The following OR3A2 variants were observed in gnomAD, a reference collection of about 807,000 sequenced individuals.
The protein encoded by OR3A2 is olfactory receptor 3A2.
For synonymous variants in OR3A2, 126 were observed against 159.3 expected (o/e 0.79, Z 1.57); for missense variants, 318 against 392.8 (o/e 0.81, Z 1.61).
intron 3 of OR3A2, among the ~76,000 whole-genome samples, chr17:3,303,937 T>C (rs1477422432): frequency 6.8e-6 from 1 of 146,172 alleles, no homozygotes; most frequent in East Asian, 2.0e-4. Flanking sequence ...ATATATATTA[T>C]ATATATATAT....
chr17:3,348,059 G>A (rs948690858), intron 2 of OR3A2, among the ~76,000 whole-genome samples: 5 of 152,114 alleles, frequency 3.3e-5, no homozygotes, highest in African/African-American at 1.2e-4. Flanking sequence ...AGAAGTGTCT[G>A]TTCACGTCCT....
chr17:3,355,657 C>A (rs2049460833), intron 2 of OR3A2, among the ~76,000 whole-genome samples: 1 of 150,902 alleles, frequency 6.6e-6, no homozygotes, highest in Admixed American at 6.6e-5. Flanking sequence ...TTTTGGTTTT[C>A]ATTGGCATGG....
At chr17:3,328,734 C>G (rs1351055310) in intron 3 of OR3A2, among the ~76,000 whole-genome samples, 1 of 103,188 alleles carries the variant, frequency 9.7e-6, no homozygotes, top group Admixed American at 1.0e-4. Flanking sequence ...TACGTCCCAT[C>G]AATACCTAAT....
chr17:3,294,357 T>C (rs1035468641), intron 3 of OR3A2, among the ~76,000 whole-genome samples: 10 of 151,146 alleles, frequency 6.6e-5, no homozygotes, highest in African/African-American at 2.2e-4. Context: ...AAACAATACA[T>C]GGAAAAAAAT....
At chr17:3,284,441 C>G (rs1272216575), upstream of OR3A2, 2 of 151,692 alleles carry the variant, frequency 1.3e-5, no homozygotes, top group African/African-American at 4.9e-5. Flanking sequence ...TCCCGGAGAG[C>G]GAGTGAGGGG....
intron 2 of OR3A2, among the ~76,000 whole-genome samples, chr17:3,355,797 T>C (rs1197657179): frequency 6.6e-6 from 1 of 151,424 alleles, no homozygotes; most frequent in East Asian, 1.9e-4. Context: ...TTGGAGAGTT[T>C]AGTTCATTTA....
rs2048762311 is a variant in OR3A2 at position 3,279,085 on chromosome 17, G to T, written c.-6-162C>A. The T allele has an allele frequency of 4.0e-6, 5 of 1,256,134 alleles. No homozygotes were observed. In the Middle Eastern group the frequency reaches 7.6e-4, roughly 190 times the overall value. 77.8% of individuals were successfully genotyped at this position (1,256,134 alleles called of 1,614,324 possible). A position where few individuals can be genotyped will look rare whatever the true frequency, so the allele number is the denominator to read the frequency against. On this transcript the variant is annotated intron_variant, in intron 1 of 1. Transcript: ENST00000642052. Reference sequence around the variant, plus strand: ...ACCTCAATGCCTTTACCTTGCTCTTGGTTGACATGCCCAATGACACCACCA... The same window carrying T: ...ACCTCAATGCCTTTACCTTGCTCTTTGTTGACATGCCCAATGACACCACCA...
intron 3 of OR3A2, among the ~76,000 whole-genome samples, chr17:3,326,454 G>C (rs771678697): frequency 6.6e-6 from 1 of 151,996 alleles, no homozygotes; most frequent in African/African-American, 2.4e-5. Flanking sequence ...TGGAGCTGCA[G>C]CAGAGGAACA....
intron 2 of OR3A2, among the ~76,000 whole-genome samples, chr17:3,347,311 G>A (rs2049374402): frequency 6.6e-6 from 1 of 152,034 alleles, no homozygotes; most frequent in South Asian, 2.1e-4. Flanking sequence ...AGTTACATAT[G>A]TATACATGTG....
chr17:3,320,283 T>G (rs1300646652), intron 3 of OR3A2, among the ~76,000 whole-genome samples: 1 of 151,346 alleles, frequency 6.6e-6, no homozygotes, highest in East Asian at 1.9e-4. Flanking sequence ...TATTAGCCCT[T>G]TGTCAGATGA....
intron 3 of OR3A2, among the ~76,000 whole-genome samples, chr17:3,297,864 G>A (rs1258368293): frequency 6.6e-6 from 1 of 152,100 alleles, no homozygotes. Context: ...TGTGCAACAC[G>A]ATAAAAGATT....
At position 3,311,181 on chromosome 17, in the gene OR3A2, C is replaced by T. The variant is rs1392947287; in HGVS notation, c.-85+24852G>A. On this transcript the variant is annotated intron_variant, in intron 3 of 4. Transcript: ENST00000573491. The surrounding 1 kb of genome is among the most constrained non-coding windows in gnomAD (Gnocchi z 4.6). Reference sequence around the variant, plus strand: ...TGTCATCAGCCCCATGCTGAACCCACTCATCTACTGGACATCTCTGCTGGA... The same window carrying T: ...TGTCATCAGCCCCATGCTGAACCCATTCATCTACTGGACATCTCTGCTGGA... 2 of 538,012 alleles carry T rather than the reference C, an allele frequency of 3.7e-6. No homozygotes were observed. Among genetic ancestry groups the T allele is most frequent in the Admixed American group, 1.9e-5 (1 of 51,774 alleles). 33.3% of individuals were successfully genotyped at this position (538,012 alleles called of 1,614,324 possible). A position where few individuals can be genotyped will look rare whatever the true frequency, so the allele number is the denominator to read the frequency against.
intron 3 of OR3A2, among the ~76,000 whole-genome samples, chr17:3,328,818 T>C (rs1048361163): frequency 1.4e-5 from 2 of 144,658 alleles, no homozygotes; most frequent in African/African-American, 5.3e-5. Flanking sequence ...GAGATAATCA[T>C]GTGGTTTTTG....
chr17:3,291,601 A>G, intron 3 of OR3A2: 2 of 1,516,154 alleles, frequency 1.3e-6, no homozygotes, highest in Admixed American at 2.0e-5. Flanking sequence ...CCTTTAGTAC[A>G]AGACACAGGG....
intron 3 of OR3A2, among the ~76,000 whole-genome samples, chr17:3,330,384 A>C (rs1002262800): frequency 2.0e-5 from 3 of 150,176 alleles, no homozygotes; most frequent in African/African-American, 7.5e-5. Context: ...TGCTTTATGA[A>C]TCTGGGTGCT....
rs1395180202 is a variant in OR3A2, at chr17:3,332,313, G to A, written c.-85+3720C>T. Reference sequence around the variant, plus strand: ...TGGCGGGCGCCCCTCCCCCAGCCTCGCTGCCGCCTTGCAGTTTGATCTCAG... The same window carrying A: ...TGGCGGGCGCCCCTCCCCCAGCCTCACTGCCGCCTTGCAGTTTGATCTCAG... On this transcript the variant is annotated intron_variant, in intron 3 of 4. Coordinates refer to the OR3A2 transcript ENST00000573491. Among the ~76,000 whole-genome samples, 19 of 152,276 alleles carry A rather than the reference G, an allele frequency of 1.2e-4. No individual in the cohort carries two copies. The South Asian group carries it at 2.7e-3, about 22-fold the overall frequency.
At chr17:3,286,935 A>T (rs2048818338), upstream of OR3A2, among the ~76,000 whole-genome samples, 2 of 152,218 alleles carry the variant, frequency 1.3e-5, no homozygotes, top group South Asian at 2.1e-4. Flanking sequence ...CCCATTTGTC[A>T]GTTTCGGCTT....
chr17:3,304,881 A>T (rs2048989188), intron 3 of OR3A2, among the ~76,000 whole-genome samples: 1 of 152,244 alleles, frequency 6.6e-6, no homozygotes, highest in Non-Finnish European at 1.5e-5. Context: ...CATTATGTTG[A>T]GTAAAGGAAG....
chr17:3,289,876 G>GA (rs1176482382), intron 3 of OR3A2, among the ~76,000 whole-genome samples: 1 of 152,120 alleles, frequency 6.6e-6, no homozygotes, highest in Admixed American at 6.6e-5. Context: ...CAATAAATCA[G>GA]AAAAAGGCAT....
Sources: allele counts gnomAD v4.1 joint callset (sites outside exome capture counted in the v4.1 genomes callset), GRCh38; gene constraint gnomAD v4.1.1; non-coding constraint Gnocchi (gnomAD v3.1); transcripts MANE v1.5; gene names NCBI Gene and HGNC (gene_info 2026-07-23, HGNC 2026-07-21).